SNTG1: variants seen among roughly 807,000 people sequenced by gnomAD.
The protein encoded by SNTG1 is gamma-1-syntrophin.
A neutral mutation model predicts 74.7 loss-of-function variants in SNTG1; 39 were observed. The ratio of observed to expected loss-of-function variants is 0.52; its 90% CI spans 0.40 to 0.68. The LOEUF is 0.68. Ranked by LOEUF, SNTG1 falls within the 30% of genes least tolerant of loss-of-function variation. SNTG1 has a pLI of 0.00. For synonymous variants in SNTG1, 254 were observed against 217.1 expected, an observed-to-expected ratio of 1.17 and a Z score of -1.49; for missense variants, 685 against 609.5, an observed-to-expected ratio of 1.12 and a Z score of -1.30.
intron 2 of SNTG1, among the ~76,000 whole-genome samples, chr8:50,315,809 A>G (rs1162212197): frequency 3.3e-5 from 5 of 152,156 alleles, no homozygotes; most frequent in African/African-American, 9.6e-5. Flanking sequence ...CCCACCATGA[A>G]CACCTGCACT....
chr8:50,433,579 G>A (rs2093267197), intron 4 of SNTG1, among the ~76,000 whole-genome samples: 1 of 150,548 alleles, frequency 6.6e-6, no homozygotes, highest in East Asian at 2.0e-4. Context: ...ATCACAACTT[G>A]GATCTTGGTC....
intron 15 of SNTG1, among the ~76,000 whole-genome samples, chr8:50,674,765 G>A (rs1040849473): frequency 7.2e-5 from 11 of 151,766 alleles, no homozygotes; most frequent in Admixed American, 6.6e-5. Context: ...TTAGGGTGTA[G>A]ATTTGAGATC....
chr8:50,362,108 A>G (rs1172760635), intron 2 of SNTG1, among the ~76,000 whole-genome samples: 1 of 151,990 alleles, frequency 6.6e-6, no homozygotes, highest in Non-Finnish European at 1.5e-5. Context: ...TGTCTTTCCA[A>G]TTATATTTGT....
chr8:50,554,177 C>T (rs1424747501), intron 12 of SNTG1, among the ~76,000 whole-genome samples: 1 of 152,142 alleles, frequency 6.6e-6, no homozygotes, highest in African/African-American at 2.4e-5. Context: ...GGACCACTAG[C>T]CAATAAAGGC....
At chr8:50,372,457 G>T (rs1274741660) in intron 2 of SNTG1, among the ~76,000 whole-genome samples, 1 of 151,928 alleles carries the variant, frequency 6.6e-6, no homozygotes, top group Non-Finnish European at 1.5e-5. Flanking sequence ...TGTGGTAGAA[G>T]AAGTTCTGGT....
Position 49,951,873 on chromosome 8 carries a change from CAAAAAAAAAAAAA to C in SNTG1, c.-103+39661_-103+39673del, listed in dbSNP as rs5891338. 1.0e-3 allele frequency among the ~76,000 whole-genome samples: 59 copies of C among 56,296 alleles called. 1 individual carries two copies. Among genetic ancestry groups the C allele is most frequent in the African/African-American group, 2.8e-3 (49 of 17,562 alleles). 36.9% of individuals were successfully genotyped at this position (56,296 alleles called of 152,430 possible). The stretch of plus-strand genomic sequence containing the variant: ...AACAGAAGGAAATCTGGAAAATTCA[CAAAAAAAAAAAAA>C]AAAAAAAAAAAAAAAAAAGAAGTAT... On this transcript the variant is annotated intron_variant, in intron 1 of 18. Transcript: ENST00000642720.
intron 1 of SNTG1, among the ~76,000 whole-genome samples, chr8:49,989,266 T>G (rs1245846208): frequency 1.3e-5 from 2 of 151,780 alleles, no homozygotes; most frequent in African/African-American, 4.8e-5. Context: ...GAAAGAAAGA[T>G]CTTAATAATG....
At chr8:50,608,452 GT>G (rs1161993997) in intron 13 of SNTG1, among the ~76,000 whole-genome samples, 2 of 151,530 alleles carry the variant, frequency 1.3e-5, no homozygotes, top group Non-Finnish European at 3.0e-5. Context: ...ATGAAATGTC[GT>G]TCTTTTTCTG....
intron 13 of SNTG1, among the ~76,000 whole-genome samples, chr8:50,649,691 A>T (rs1355846706): frequency 6.6e-6 from 1 of 152,188 alleles, no homozygotes; most frequent in African/African-American, 2.4e-5. Flanking sequence ...CTCTAAGTTG[A>T]ATAAGCCAAA....
intron 13 of SNTG1, among the ~76,000 whole-genome samples, chr8:50,617,925 GT>G (rs1379681433): frequency 6.6e-6 from 1 of 152,150 alleles, no homozygotes; most frequent in Non-Finnish European, 1.5e-5. Context: ...CTGCCTTTTA[GT>G]TTTTACTTTT....
chr8:50,237,765 T>C (rs990554667), intron 2 of SNTG1, among the ~76,000 whole-genome samples: 1 of 152,156 alleles, frequency 6.6e-6, no homozygotes, highest in African/African-American at 2.4e-5. Context: ...TATTGTCTCC[T>C]GAGTCTATAT....
intron 17 of SNTG1, among the ~76,000 whole-genome samples, chr8:50,733,228 C>G (rs1181008277): frequency 6.6e-6 from 1 of 152,020 alleles, no homozygotes; most frequent in African/African-American, 2.4e-5. Context: ...TTATGGCCTC[C>G]ATCTCTATCC....
chr8:50,470,505 G>A (rs1412623843), intron 8 of SNTG1, among the ~76,000 whole-genome samples: 1 of 152,102 alleles, frequency 6.6e-6, no homozygotes, highest in African/African-American at 2.4e-5. Context: ...GAGTGAAGCC[G>A]CAGACCTTCG....
intron 15 of SNTG1, among the ~76,000 whole-genome samples, chr8:50,703,492 C>T (rs911703051): frequency 9.9e-5 from 15 of 151,874 alleles, no homozygotes; most frequent in African/African-American, 2.9e-4. Context: ...TTCTGGATAC[C>T]TTCTGAAGGA....
intron 2 of SNTG1, among the ~76,000 whole-genome samples, chr8:50,319,590 A>T (rs2090450989): frequency 6.6e-6 from 1 of 152,146 alleles, no homozygotes; most frequent in South Asian, 2.1e-4. Flanking sequence ...TCTAGCTAAT[A>T]CTTCCAGTAC....
chr8:50,500,237 T>A (rs1028705128), intron 8 of SNTG1, among the ~76,000 whole-genome samples: 3 of 151,784 alleles, frequency 2.0e-5, no homozygotes, highest in African/African-American at 7.2e-5. Flanking sequence ...TTTCTTTTTT[T>A]TTTTTGGTCT....
intron 11 of SNTG1, among the ~76,000 whole-genome samples, chr8:50,552,739 G>A (rs2094434298): frequency 6.6e-6 from 1 of 152,108 alleles, no homozygotes; most frequent in Non-Finnish European, 1.5e-5. Context: ...ATAGCAAACT[G>A]GGAAAAGAAT....
chr8:50,511,901 T>A (rs1279535570), intron 9 of SNTG1, among the ~76,000 whole-genome samples: 1 of 152,182 alleles, frequency 6.6e-6, no homozygotes, highest in Non-Finnish European at 1.5e-5. Context: ...AATTGGAGCA[T>A]TTAGCCCATT....
At chr8:50,219,775 A>T (rs190462224) in intron 2 of SNTG1, among the ~76,000 whole-genome samples, 1 of 152,298 alleles carries the variant, frequency 6.6e-6, no homozygotes, top group Admixed American at 6.5e-5. Flanking sequence ...TTGGCATGAG[A>T]TTTGGGTGGG....
Sources: allele counts gnomAD v4.1 joint callset (sites outside exome capture counted in the v4.1 genomes callset), GRCh38; gene constraint gnomAD v4.1.1; transcripts MANE v1.5; gene names NCBI Gene and HGNC (gene_info 2026-07-23, HGNC 2026-07-21).